The following DRAM1 variants were observed in gnomAD, a reference collection of about 807,000 sequenced individuals.
DRAM1 encodes DNA damage-regulated autophagy modulator protein 1.
In DRAM1, 25 loss-of-function variants were observed where a neutral mutation model predicts 28.5. The observed-to-expected ratio is 0.88, with a 90% CI of 0.64 to 1.23. The LOEUF (loss-of-function observed/expected upper bound fraction) is 1.23, where lower values mean the gene tolerates loss of function less well. Ranked by LOEUF, DRAM1 falls within the 50% of genes most tolerant of loss-of-function variation. DRAM1 has a pLI of 0.00. For missense variants in DRAM1, 249 were observed against 299.2 expected (o/e 0.83, Z 1.24); for synonymous variants, 113 against 114.2 (o/e 0.99, Z 0.07).
Position 101,897,845 on chromosome 12 carries a change from A to G in DRAM1, c.132-18A>G. The G allele has an allele frequency of 6.3e-7, 1 of 1,592,154 alleles. No individual in the cohort carries two copies. The highest frequency in any genetic ancestry group is 8.6e-7 in the Non-Finnish European group (1 of 1,162,352). On this transcript the variant is annotated intron_variant, in intron 1 of 6. Transcript: ENST00000258534. Reference sequence around the variant, plus strand: ...AGAATTTCTTTCTAATAATTTGGACATTTCTTCCCTTTGCCAGTGATACGG... The same window carrying G: ...AGAATTTCTTTCTAATAATTTGGACGTTTCTTCCCTTTGCCAGTGATACGG...
chr12:101,920,135 G>T lies in DRAM1; in HGVS notation c.606G>T (p.Ala202=). 6.2e-7 allele frequency: 1 copy of T among 1,609,754 alleles called. No homozygotes were observed. The highest frequency in any genetic ancestry group is 8.5e-7 in the Non-Finnish European group (1 of 1,178,608). The change falls in exon 6 of 7, where the codon GCG becomes GCT. Residue 202 remains alanine, a synonymous_variant. Transcript: ENST00000258534. The part of the protein sequence containing the change: ...EKDYVYHVVS[A]ICEWTVAFGF... ...ATTATGTATATCACGTAGTGAGTGC[G>T]ATCTGTGAATGGACAGTGGCCTTTG...
chr12:101,912,664 G>C lies in DRAM1; in HGVS notation c.521-1510G>C, dbSNP rs78752033. 6.1e-3 allele frequency among the ~76,000 whole-genome samples: 930 copies of C among 152,096 alleles called. 9 individuals are homozygous for C. The highest frequency in any genetic ancestry group is 0.021 in the African/African-American group (865 of 41,488). On this transcript the variant is annotated intron_variant, in intron 4 of 6. Coordinates refer to ENST00000258534, the MANE Select transcript of DRAM1 (RefSeq NM_018370.3). The stretch of plus-strand genomic sequence containing the variant: ...TTAAACTCTGCACAATTTGCGGGGG[G>C]TTGGAGTTAAGAGAGATGACGCTGA...
intron 1 of DRAM1, among the ~76,000 whole-genome samples, chr12:101,891,866 T>G (rs1362197174): frequency 1.3e-5 from 2 of 152,240 alleles, no homozygotes; most frequent in South Asian, 2.1e-4. Flanking sequence ...GCTGCCAGGC[T>G]GGGAAGCAAC....
intron 2 of DRAM1, among the ~76,000 whole-genome samples, chr12:101,898,681 G>T (rs545931175): frequency 6.6e-6 from 1 of 152,314 alleles, no homozygotes; most frequent in Non-Finnish European, 1.5e-5. Flanking sequence ...GAACCTTTGG[G>T]AGTGTGGGTT....
chr12:101,909,794 A>G (rs955580065), intron 4 of DRAM1, among the ~76,000 whole-genome samples: 12 of 152,084 alleles, frequency 7.9e-5, no homozygotes, highest in African/African-American at 2.7e-4. Flanking sequence ...TCTTTTCTTT[A>G]ATGAAGTATT....
At chr12:101,918,974 T>C (rs1874362953) in intron 5 of DRAM1, among the ~76,000 whole-genome samples, 1 of 151,968 alleles carries the variant, frequency 6.6e-6, no homozygotes, top group Non-Finnish European at 1.5e-5. Context: ...CAGGTTGGAG[T>C]AGAGTGACGC....
chr12:101,898,386 G>A (rs924290370), intron 2 of DRAM1, among the ~76,000 whole-genome samples: 2 of 152,130 alleles, frequency 1.3e-5, no homozygotes, highest in African/African-American at 4.8e-5. Context: ...TTGAGAAACT[G>A]AAGTTAAAAG....
In DRAM1 at chr12:101,923,548, C is replaced by T. The variant is rs1442158903; in HGVS notation, c.*2288C>T. 1 of 152,184 alleles carries T rather than the reference C, an allele frequency of 6.6e-6. No individual in the cohort carries two copies. The allele number at this position is 152,184 out of a possible 1,614,324, so 9.4% of individuals were successfully genotyped here. A position where few individuals can be genotyped will look rare whatever the true frequency, so the allele number is the denominator to read the frequency against. On this transcript the variant is annotated 3_prime_UTR_variant, in exon 7 of 7. Transcript: ENST00000258534. ...GGAATGACTAAGGATGTTTGTAGTG[C>T]TATAATATAGAATGGGATTTACTCT... is the stretch of plus-strand genomic sequence containing the variant.
At chr12:101,918,613 C>T (rs116681006) in intron 5 of DRAM1, among the ~76,000 whole-genome samples, 1,685 of 152,328 alleles carry the variant, frequency 0.011, 28 homozygotes, top group African/African-American at 0.038. Flanking sequence ...AAACAACTGT[C>T]ACCATGGAGC....
At chr12:101,908,806 G>C (rs1486618822) in intron 4 of DRAM1, among the ~76,000 whole-genome samples, 1 of 145,028 alleles carries the variant, frequency 6.9e-6, no homozygotes, top group African/African-American at 2.6e-5. Context: ...CCTAGGAGAA[G>C]TTTCAGGGGC....
Position 101,908,341 on chromosome 12 carries a change from TTCTTGCGC to T in DRAM1, c.499_506del (p.Ala169HisfsTer34). The stretch of plus-strand genomic sequence containing the variant: ...ACATACGGATGGTCATCTCTGCCGT[TTCTTGCGC>T]AGCTGTCATCCCCAGTATCCTTTTT... On this transcript the variant is annotated frameshift_variant, in exon 4 of 7. Transcript: ENST00000258534. LOFTEE classifies it high-confidence loss of function. 6.2e-7 allele frequency: 1 copy of T among 1,611,092 alleles called. No individual in the cohort carries two copies. The highest frequency in any genetic ancestry group is 1.1e-5 in the South Asian group (1 of 90,392).
chr12:101,891,209 C>G (rs1383611078), intron 1 of DRAM1, among the ~76,000 whole-genome samples: 1 of 151,786 alleles, frequency 6.6e-6, no homozygotes, highest in East Asian at 1.9e-4. Context: ...AAATGATGTT[C>G]TCTTTATACT....
intron 3 of DRAM1, among the ~76,000 whole-genome samples, chr12:101,905,801 T>A (rs1003681393): frequency 7.3e-5 from 9 of 123,576 alleles, no homozygotes; most frequent in East Asian, 2.1e-4. Flanking sequence ...TTATTTATTT[T>A]TTGAGATGGA....
At chr12:101,921,057 A>T (rs1874462762) in intron 6 of DRAM1, among the ~76,000 whole-genome samples, 159 bp from the exon 7 acceptor site, 1 of 152,240 alleles carries the variant, frequency 6.6e-6, no homozygotes, top group African/African-American at 2.4e-5. Context: ...AGCTCAAAGG[A>T]TATAGAAAGC....
chr12:101,897,930 G>C lies in DRAM1; in HGVS notation c.199G>C (p.Gly67Arg). ...GFMINFSAFL[G>R]AATMYTRYKI... is the part of the protein sequence containing the mutation. The stretch of plus-strand genomic sequence containing the variant: ...TATGATAAACTTCTCTGCATTTCTT[G>C]GTAAGTACACAATAATTATTATAAA... Residue 67 changes from glycine to arginine, a missense_variant and splice_region_variant, in exon 2 of 7, where the codon GGT (glycine) becomes CGT (arginine). Around this residue, in one of 3 missense-constraint regions of DRAM1, gnomAD observed 218 missense variants for 243.1 expected, o/e 0.90. Transcript: ENST00000258534. 1 of 1,562,692 alleles carries C rather than the reference G, an allele frequency of 6.4e-7. No individual in the cohort carries two copies. Among genetic ancestry groups the C allele is most frequent in the Non-Finnish European group, 8.8e-7 (1 of 1,134,338 alleles).
chr12:101,900,541 C>G (rs1488726095), intron 2 of DRAM1, among the ~76,000 whole-genome samples: 1 of 152,162 alleles, frequency 6.6e-6, no homozygotes, highest in Admixed American at 6.5e-5. Context: ...ACATGCATTT[C>G]TCAGAAGAAG....
intron 3 of DRAM1, among the ~76,000 whole-genome samples, chr12:101,907,189 G>C: frequency 9.4e-6 from 1 of 106,730 alleles, no homozygotes; most frequent in South Asian, 3.2e-4. Flanking sequence ...GACGGAGTGA[G>C]ACCCTGTCTC....
chr12:101,885,120 A>G (rs1319700029), intron 1 of DRAM1, among the ~76,000 whole-genome samples: 1 of 152,106 alleles, frequency 6.6e-6, no homozygotes, highest in Non-Finnish European at 1.5e-5. Context: ...TTTAGTAGAC[A>G]CGGGGTTTCT....
At chr12:101,885,993 A>G (rs1025917462) in intron 1 of DRAM1, among the ~76,000 whole-genome samples, 1 of 152,168 alleles carries the variant, frequency 6.6e-6, no homozygotes, top group Non-Finnish European at 1.5e-5. Flanking sequence ...TTGAATGTTG[A>G]ACAAGATAAT....
Sources: allele counts gnomAD v4.1 joint callset (sites outside exome capture counted in the v4.1 genomes callset), GRCh38; gene constraint gnomAD v4.1.1; regional missense constraint gnomAD v4.1.1; transcripts MANE v1.5; gene names NCBI Gene and HGNC (gene_info 2026-07-23, HGNC 2026-07-21).